Variants in TSNARE1 observed in about 807,000 individuals in gnomAD.
TSNARE1 encodes t-SNARE domain containing 1.
Under a neutral mutation model 62.0 loss-of-function variants are expected in TSNARE1, and 49 were observed. That is an observed-to-expected ratio of 0.79 (90% CI 0.63 to 1.00). The LOEUF (loss-of-function observed/expected upper bound fraction) is 1.00. Ranked by LOEUF, TSNARE1 falls within the 50% of genes least tolerant of loss-of-function variation. The pLI, the probability that TSNARE1 is intolerant of heterozygous loss-of-function variation, is 0.00. For missense variants in TSNARE1, 755 were observed against 700.1 expected (o/e 1.08, Z -0.88); for synonymous variants, 328 against 294.4 (o/e 1.11, Z -1.17).
chr8:142,277,117 G>A (rs985008610), intron 11 of TSNARE1: 19 of 985,330 alleles, frequency 1.9e-5, no homozygotes, highest in Non-Finnish European at 2.2e-5. Context: ...GGCTTTGTCA[G>A]GTCTTGGAGG....
chr8:142,323,319 G>T (rs768937218), intron 6 of TSNARE1, among the ~76,000 whole-genome samples: 1 of 152,172 alleles, frequency 6.6e-6, no homozygotes, highest in African/African-American at 2.4e-5. Context: ...TGGGCAGCAC[G>T]GGGGGCAGCA....
At position 142,344,066 on chromosome 8, in the gene TSNARE1, C is replaced by T. The variant is rs1328229610; in HGVS notation, c.645G>A (p.Lys215=). 3.1e-6 allele frequency: 5 copies of T among 1,602,468 alleles called. No individual in the cohort carries two copies. In the Middle Eastern group the frequency reaches 5.0e-4, roughly 159 times the overall value. The change falls in exon 4 of 14, where the codon AAG becomes AAA. Residue 215 remains lysine (K), a synonymous_variant. Coordinates refer to ENST00000524325, the MANE Select transcript of TSNARE1 (RefSeq NM_145003.5). ...AAHGPSPGSG[K]PQALALTPVE... is the part of the protein sequence containing the mutation. ...CGGGCGTGAGAGCCAGGGCCTGGGGCTTGCCGGAACCAGGGCTGGGGCCAT... is the reference window on the plus strand; with the variant it reads ...CGGGCGTGAGAGCCAGGGCCTGGGGTTTGCCGGAACCAGGGCTGGGGCCAT...
intron 3 of TSNARE1, among the ~76,000 whole-genome samples, chr8:142,344,895 C>T (rs1833151207): frequency 6.6e-6 from 1 of 152,240 alleles, no homozygotes; most frequent in Non-Finnish European, 1.5e-5. Flanking sequence ...TTTTGGAAGG[C>T]TCCTGCCTAC....
At chr8:142,375,902 G>T (rs1002064341) in intron 1 of TSNARE1, among the ~76,000 whole-genome samples, 3 of 152,200 alleles carry the variant, frequency 2.0e-5, no homozygotes, top group African/African-American at 7.2e-5. Context: ...CGCCTGCAGG[G>T]TGTAAGGAGA....
In TSNARE1 at chr8:142,315,059, C is replaced by T; in HGVS notation, c.1018G>A (p.Asp340Asn). 1.2e-6 allele frequency: 2 copies of T among 1,614,144 alleles called. No homozygotes were observed. Among genetic ancestry groups the T allele is most frequent in the Non-Finnish European group, 1.7e-6 (2 of 1,180,014 alleles). Residue 340 changes from aspartate to asparagine, a missense_variant, in exon 8 of 14, where the codon GAC becomes AAC. Asp to Asn is a conservative substitution (Grantham distance 23). Transcript: ENST00000524325. Reference sequence around the variant, plus strand: ...TCTGAGAGCTGGGTTTTCAGCCGGTCCAGCTGAGGACGCTCCTGCTGCAGA... The same window carrying T: ...TCTGAGAGCTGGGTTTTCAGCCGGTTCAGCTGAGGACGCTCCTGCTGCAGA... ...ERLQQERPQL[D>N]RLKTQLSDAI...
chr8:142,355,674 G>A (rs1049731925), intron 1 of TSNARE1, among the ~76,000 whole-genome samples: 6 of 152,160 alleles, frequency 3.9e-5, no homozygotes, highest in South Asian at 2.1e-4. Flanking sequence ...CTATCACTAC[G>A]GAACCTGCTG....
chr8:142,336,043 G>A (rs546119257), intron 4 of TSNARE1, among the ~76,000 whole-genome samples: 61 of 152,260 alleles, frequency 4.0e-4, no homozygotes, highest in African/African-American at 4.1e-4. Context: ...AACACTTTCC[G>A]AGGCTAAGAT....
At chr8:142,317,072 A>T (rs904204597) in intron 7 of TSNARE1, among the ~76,000 whole-genome samples, 1 of 151,292 alleles carries the variant, frequency 6.6e-6, no homozygotes, top group African/African-American at 2.4e-5. Flanking sequence ...CACTGCACAC[A>T]TGAAGCGGGT....
chr8:142,352,768 G>A (rs554436279), intron 2 of TSNARE1, among the ~76,000 whole-genome samples: 5 of 152,176 alleles, frequency 3.3e-5, no homozygotes, highest in African/African-American at 7.2e-5. Flanking sequence ...AAGCAAAACC[G>A]TGAAGAACCA....
In TSNARE1 at chr8:142,284,331, C is replaced by T. The variant is rs1822316347; in HGVS notation, c.1363+82G>A. Reference sequence around the variant, plus strand: ...CCTCTTAGAGGCCCCTTCACCCACCCTTAGGTGAAGGGGTGAGGGCTGGGG... The same window carrying T: ...CCTCTTAGAGGCCCCTTCACCCACCTTTAGGTGAAGGGGTGAGGGCTGGGG... On this transcript the variant is annotated intron_variant, in intron 11 of 13. Transcript: ENST00000524325. 15 of 1,170,932 alleles carry T rather than the reference C, an allele frequency of 1.3e-5. No homozygotes were observed. The South Asian group carries it at 1.7e-4, about 13-fold the overall frequency. The allele number at this position is 1,170,932 out of a possible 1,614,324, so 72.5% of individuals were successfully genotyped here. A position where few individuals can be genotyped will look rare whatever the true frequency, so the allele number is the denominator to read the frequency against.
rs369208302 is a variant in TSNARE1, at chr8:142,314,485, G to A, written c.1075-45C>T. On this transcript the variant is annotated intron_variant, in intron 8 of 13. Transcript: ENST00000524325. ...AGAAGAAAGACAGGAAGAGCAAAAA[G>A]GGTGGGGAAGGGAGAAGAAATGGTC... 5.8e-4 allele frequency: 910 copies of A among 1,560,632 alleles called. 1 individual carries two copies. Among genetic ancestry groups the A allele is most frequent in the Admixed American group, 9.6e-4 (56 of 58,498 alleles).
At chr8:142,222,843 T>TCCACTCAC (rs1816464670) in intron 13 of TSNARE1, among the ~76,000 whole-genome samples, 1 of 98,010 alleles carries the variant, frequency 1.0e-5, no homozygotes. Flanking sequence ...CACTCACTCA[T>TCCACTCAC]TCATCCACTC....
chr8:142,272,658 C>A lies in TSNARE1; in HGVS notation c.1446+2123G>T. Reference sequence around the variant, plus strand: ...CACCCGCCCATCTAGAGGCCCCTCGCAAGCGGGAGCAGGACATTCTATGCA... The same window carrying A: ...CACCCGCCCATCTAGAGGCCCCTCGAAAGCGGGAGCAGGACATTCTATGCA... On this transcript the variant is annotated intron_variant, in intron 12 of 13. Coordinates refer to ENST00000524325, the MANE Select transcript of TSNARE1 (RefSeq NM_145003.5). 3.4e-6 allele frequency: 3 copies of A among 891,416 alleles called. No individual in the cohort carries two copies. In the South Asian group the frequency reaches 1.6e-4, roughly 48 times the overall value. The allele number at this position is 891,416 out of a possible 1,614,324, so 55.2% of individuals were successfully genotyped here.
intron 11 of TSNARE1, 126 bp downstream of exon 11, chr8:142,284,287 C>T: frequency 1.4e-6 from 1 of 728,862 alleles, no homozygotes; most frequent in Non-Finnish European, 2.4e-6. Flanking sequence ...CAGACCTGGA[C>T]CCCAGCCTGG....
chr8:142,275,387 C>A, intron 11 of TSNARE1: 1 of 985,330 alleles, frequency 1.0e-6, no homozygotes, highest in Non-Finnish European at 1.2e-6. Context: ...TGCTGCCGTG[C>A]GGGGATCACG....
In TSNARE1 at chr8:142,251,993, G is replaced by A. The variant is rs182684828; in HGVS notation, c.1447-22414C>T. Reference sequence around the variant, plus strand: ...TTCAGGGCCCGGGCACCATGTACCCGCCACTCGCGTTCTCTATCTGCAGGG... The same window carrying A: ...TTCAGGGCCCGGGCACCATGTACCCACCACTCGCGTTCTCTATCTGCAGGG... On this transcript the variant is annotated intron_variant, in intron 12 of 13. Transcript: ENST00000524325. 8.4e-3 allele frequency among the ~76,000 whole-genome samples: 1,134 copies of A among 135,340 alleles called. 23 individuals carry two copies. Among genetic ancestry groups the A allele is most frequent in the African/African-American group, 0.03 (1,055 of 35,178 alleles). 88.8% of individuals were successfully genotyped at this position (135,340 alleles called of 152,430 possible).
rs569792545 is a variant in TSNARE1, at chr8:142,273,247, C to A, written c.1446+1534G>T. The stretch of plus-strand genomic sequence containing the variant: ...GTCCTCCTGCCGTCCCAGGCATCAG[C>A]GCTGCTTCTGACCAGGTGATCCCAG... On this transcript the variant is annotated intron_variant, in intron 12 of 13. Coordinates refer to ENST00000524325, the MANE Select transcript of TSNARE1 (RefSeq NM_145003.5). The A allele has an allele frequency of 2.8e-5, 28 of 985,428 alleles. No individual in the cohort carries two copies. In the African/African-American group the frequency reaches 4.7e-4, roughly 17 times the overall value. 61.0% of individuals were successfully genotyped at this position (985,428 alleles called of 1,614,324 possible).
intron 10 of TSNARE1, among the ~76,000 whole-genome samples, chr8:142,293,909 G>C (rs969936146): frequency 1.3e-5 from 2 of 152,182 alleles, no homozygotes; most frequent in Non-Finnish European, 2.9e-5. Context: ...CCCAGCCTTG[G>C]CACTAAGCTT....
At chr8:142,377,924 T>C (rs1356438206) in intron 1 of TSNARE1, among the ~76,000 whole-genome samples, 1 of 152,236 alleles carries the variant, frequency 6.6e-6, no homozygotes, top group East Asian at 1.9e-4. Context: ...TACACGTGTC[T>C]TTAGTGATGT....
Sources: allele counts gnomAD v4.1 joint callset (sites outside exome capture counted in the v4.1 genomes callset), GRCh38; gene constraint gnomAD v4.1.1; transcripts MANE v1.5; gene names NCBI Gene and HGNC (gene_info 2026-07-23, HGNC 2026-07-21).